EVI5: variants seen among roughly 807,000 people sequenced by gnomAD.
EVI5 encodes ecotropic viral integration site 5.
Under a neutral mutation model 112.0 loss-of-function variants are expected in EVI5, and 73 were observed. The observed-to-expected ratio is 0.65, with a 90% CI of 0.54 to 0.79. The LOEUF (loss-of-function observed/expected upper bound fraction) is 0.79. Ranked by LOEUF, EVI5 falls within the 30% of genes least tolerant of loss-of-function variation. The probability of loss-of-function intolerance (pLI) is 0.00; values close to 1 mark genes in which losing one functional copy is unlikely to be tolerated. For synonymous variants in EVI5, 305 were observed against 319.9 expected (o/e 0.95, Z 0.50); for missense variants, 900 against 968.8 (o/e 0.93, Z 0.94).
intron 19 of EVI5, among the ~76,000 whole-genome samples, chr1:92,560,081 T>C (rs1668296243): frequency 1.3e-5 from 2 of 152,180 alleles, no homozygotes; most frequent in Admixed American, 6.5e-5. Flanking sequence ...TCACTGCTTA[T>C]AGACAGTATA....
chr1:92,561,124 G>A (rs1173054223), intron 19 of EVI5, among the ~76,000 whole-genome samples: 1 of 152,102 alleles, frequency 6.6e-6, no homozygotes, highest in Non-Finnish European at 1.5e-5. Context: ...AAAAGCCTTA[G>A]AGCCAAATCT....
In EVI5 at chr1:92,665,953, C is replaced by G; in HGVS notation, c.1198G>C (p.Glu400Gln). 1.2e-6 allele frequency: 2 copies of G among 1,606,234 alleles called. No homozygotes were observed. The highest frequency in any genetic ancestry group is 1.7e-6 in the Non-Finnish European group (2 of 1,176,946). The change falls in exon 11 of 20, where the codon GAG becomes CAG. Residue 400 changes from glutamate to glutamine, a missense_variant. By Grantham distance (29) the Glu-to-Gln change is conservative (BLOSUM62 2). Coordinates refer to ENST00000684568, the MANE Select transcript of EVI5 (RefSeq NM_001350197.2). The stretch of plus-strand genomic sequence containing the variant: ...CACTTACTTACTTTTTCTAATGTCT[C>G]GATGCGCTGTTTTAAAAGTCTATTT... ...TENRLLKQRIETLEKESASLA... is the reference protein window; with the variant it reads ...TENRLLKQRIQTLEKESASLA...
At chr1:92,548,387 T>A (rs1666163560) in intron 19 of EVI5, among the ~76,000 whole-genome samples, 1 of 152,164 alleles carries the variant, frequency 6.6e-6, no homozygotes, top group Non-Finnish European at 1.5e-5. Context: ...CCACAGCCAA[T>A]ATCATACTGA....
intron 1 of EVI5, among the ~76,000 whole-genome samples, chr1:92,790,623 A>G (rs1686025233): frequency 1.3e-5 from 2 of 151,876 alleles, no homozygotes; most frequent in Admixed American, 1.3e-4. Flanking sequence ...GTACTCAAAT[A>G]AAAAGCTATG....
intron 19 of EVI5, among the ~76,000 whole-genome samples, chr1:92,561,650 TATCTATCTATCTATCA>T (rs1244441372): frequency 4.3e-4 from 64 of 149,252 alleles, no homozygotes; most frequent in African/African-American, 1.2e-3. Context: ...TCTATCTATC[TATCTATCTATCTATCA>T]GAGTCTCACT....
At chr1:92,610,611 A>C (rs1651538459) in intron 16 of EVI5, among the ~76,000 whole-genome samples, 1 of 152,238 alleles carries the variant, frequency 6.6e-6, no homozygotes, top group African/African-American at 2.4e-5. Context: ...AAAAAAATTA[A>C]GCAAATCAGA....
chr1:92,605,251 A>T (rs1650106106), intron 18 of EVI5, 56 bp downstream of exon 18: 2 of 1,153,508 alleles, frequency 1.7e-6, no homozygotes, highest in East Asian at 4.7e-5. Context: ...CTGTTCAGAC[A>T]AAGAGGATAG....
At chr1:92,667,494 C>G (rs373890872) in intron 10 of EVI5, among the ~76,000 whole-genome samples, 12 of 152,218 alleles carry the variant, frequency 7.9e-5, no homozygotes, top group Middle Eastern at 3.4e-3. Context: ...ATGCCTGGTT[C>G]CCAAAAAACT....
chr1:92,589,785 A>T (rs1156586119), intron 18 of EVI5, among the ~76,000 whole-genome samples: 1 of 152,182 alleles, frequency 6.6e-6, no homozygotes, highest in Admixed American at 6.5e-5. Flanking sequence ...CCCAGCACGC[A>T]GCTTGAGATC....
At position 92,784,932 on chromosome 1, in the gene EVI5, T is replaced by C; in HGVS notation, c.-178A>G. The C allele has an allele frequency of 1.0e-6, 1 of 986,080 alleles. No homozygotes were observed. Among genetic ancestry groups the C allele is most frequent in the East Asian group, 1.1e-4 (1 of 8,812 alleles). 61.1% of individuals were successfully genotyped at this position (986,080 alleles called of 1,614,324 possible). On this transcript the variant is annotated 5_prime_UTR_variant, in exon 1 of 20. Coordinates refer to ENST00000684568, the MANE Select transcript of EVI5 (RefSeq NM_001350197.2). ...TCAGCGCCTCGGCCCCGCTCCTGGC[T>C]CCACGGGTCGCCCGTCCCGAGTTCC...
intron 18 of EVI5, among the ~76,000 whole-genome samples, chr1:92,569,977 ATTT>A (rs770594511): frequency 2.2e-4 from 34 of 151,860 alleles, no homozygotes; most frequent in Non-Finnish European, 4.1e-4. Context: ...TCACCCTAAG[ATTT>A]TCCTTGGCTC....
intron 18 of EVI5, among the ~76,000 whole-genome samples, chr1:92,578,486 C>T (rs191147988): frequency 5.1e-4 from 78 of 152,074 alleles, no homozygotes; most frequent in Admixed American, 2.3e-3. Context: ...GAGGCTGAGG[C>T]GGGCGGATTA....
chr1:92,558,848 A>G (rs1023245791), intron 19 of EVI5, among the ~76,000 whole-genome samples: 3 of 151,800 alleles, frequency 2.0e-5, no homozygotes, highest in Non-Finnish European at 2.9e-5. Context: ...AAAAAAAAAA[A>G]AAAAGGGCAA....
rs771345036 is a variant in EVI5, at chr1:92,605,359, C to T, written c.2018G>A (p.Ser673Asn). 2.5e-6 allele frequency: 4 copies of T among 1,613,688 alleles called. No homozygotes were observed. The Admixed American group carries it at 6.7e-5, about 27-fold the overall frequency. The part of the protein sequence containing the change: ...VMAVRLREAD[S>N]IAAVAELRQH... ...TCGTAGTTCAGCCACAGCAGCTATG[C>T]TATCTGCTTCCCGAAGCCTCACAGC... is the stretch of plus-strand genomic sequence containing the variant. Residue 673 changes from serine (S) to asparagine (N), a missense_variant, in exon 18 of 20, where the codon AGC becomes AAC. Ser to Asn is a conservative substitution (Grantham distance 46, BLOSUM62 1). Transcript: ENST00000684568.
intron 2 of EVI5, among the ~76,000 whole-genome samples, chr1:92,711,513 A>G (rs1672850351): frequency 6.6e-6 from 1 of 152,162 alleles, no homozygotes; most frequent in East Asian, 1.9e-4. Context: ...AGCTAAATAC[A>G]CTGGCACTTA....
At chr1:92,585,514 A>C (rs1193275391) in intron 18 of EVI5, among the ~76,000 whole-genome samples, 1 of 152,170 alleles carries the variant, frequency 6.6e-6, no homozygotes, top group Non-Finnish European at 1.5e-5. Context: ...CAGCATTCAC[A>C]CAAGGTCTAA....
At chr1:92,607,785 A>G in intron 16 of EVI5, 58 bp from the exon 17 acceptor site, 1 of 1,169,008 alleles carries the variant, frequency 8.6e-7, no homozygotes, top group Non-Finnish European at 1.2e-6. Context: ...AAATTAAAAA[A>G]AATTACCTAT....
At chr1:92,735,429 T>C (rs1034545253) in intron 2 of EVI5, among the ~76,000 whole-genome samples, 10 of 151,924 alleles carry the variant, frequency 6.6e-5, no homozygotes, top group Non-Finnish European at 1.5e-4. Flanking sequence ...CACAGGTGTA[T>C]ACATATGTCA....
chr1:92,519,319 C>T (rs1475904067), intron 19 of EVI5, among the ~76,000 whole-genome samples: 6 of 152,126 alleles, frequency 3.9e-5, no homozygotes, highest in African/African-American at 1.4e-4. Context: ...CCAGCCCAGA[C>T]TAGAGACTGG....
Sources: gnomAD v4.1 joint callset for allele counts (sites outside exome capture counted in the v4.1 genomes callset) on GRCh38, gnomAD v4.1.1 for gene constraint, MANE v1.5 for transcripts, NCBI Gene and HGNC (gene_info 2026-07-23, HGNC 2026-07-21) for gene names.